PROM1: variants seen among roughly 807,000 people sequenced by gnomAD.
PROM1 encodes prominin 1.
PROM1 carries 105 observed loss-of-function variants against 116.9 expected under a neutral mutation model. The observed-to-expected ratio is 0.90, with a 90% CI of 0.77 to 1.06. The LOEUF (loss-of-function observed/expected upper bound fraction) is 1.06, where lower values mean the gene tolerates loss of function less well. Ranked by LOEUF, PROM1 falls within the 50% of genes least tolerant of loss-of-function variation. The pLI is 0.00. For missense variants in PROM1, 1,122 were observed against 1,045.2 expected (o/e 1.07, Z -1.01); for synonymous variants, 393 against 387.0 (o/e 1.02, Z -0.18).
intron 2 of PROM1, chr4:16,055,408 T>C (rs1007491149): frequency 2.2e-6 from 1 of 456,162 alleles, no homozygotes; most frequent in African/African-American, 2.0e-5. Flanking sequence ...TGCAGGGTCT[T>C]AAATGAGCAG....
chr4:16,008,408 TCACTGGTTTCAAGG>T lies in PROM1; in HGVS notation c.1301+527_1301+540del, dbSNP rs569539196. 8.2e-3 allele frequency among the ~76,000 whole-genome samples: 1,244 copies of T among 152,312 alleles called. 3 individuals carry two copies. The highest frequency in any genetic ancestry group is 0.013 in the Non-Finnish European group (855 of 68,024). On this transcript the variant is annotated intron_variant, in intron 12 of 27. Coordinates refer to ENST00000447510, the MANE Select transcript of PROM1 (RefSeq NM_006017.3). Reference sequence around the variant, plus strand: ...CACTCACCTAAGCTCTGGGAGCAATTCACTGGTTTCAAGGCACAGCTAAGAAAAGAATGCTCTTT... The same window carrying T: ...CACTCACCTAAGCTCTGGGAGCAATTCACAGCTAAGAAAAGAATGCTCTTT...
intron 15 of PROM1, among the ~76,000 whole-genome samples, chr4:15,995,408 A>G (rs559001596): frequency 7.2e-5 from 11 of 152,022 alleles, no homozygotes; most frequent in African/African-American, 1.4e-4. Context: ...GGAGGAGGAG[A>G]AGAAGAGGAG....
chr4:16,032,835 AG>A (rs1467854512), intron 5 of PROM1, among the ~76,000 whole-genome samples: 3 of 152,246 alleles, frequency 2.0e-5, no homozygotes, highest in African/African-American at 7.2e-5. Flanking sequence ...GTTTATTATT[AG>A]AAAGTCAATT....
intron 13 of PROM1, among the ~76,000 whole-genome samples, chr4:16,003,024 C>G (rs1724267871): frequency 6.6e-6 from 1 of 152,150 alleles, no homozygotes; most frequent in African/African-American, 2.4e-5. Context: ...GCCAGCAGAA[C>G]CTAAAATATT....
At position 15,987,651 on chromosome 4, in the gene PROM1, G is replaced by C. The variant is rs1308053279; in HGVS notation, c.2130+12C>G. 2 of 1,606,990 alleles carry C rather than the reference G, an allele frequency of 1.2e-6. No individual in the cohort carries two copies. Among genetic ancestry groups the C allele is most frequent in the African/African-American group, 2.7e-5 (2 of 74,452 alleles). ...ACAAAACCCCATGACAGAAAACAAA[G>C]TAAACCCTTACCAACAATCCATTCC... is the stretch of plus-strand genomic sequence containing the variant. On this transcript the variant is annotated intron_variant, in intron 20 of 27. Coordinates refer to ENST00000447510, the MANE Select transcript of PROM1 (RefSeq NM_006017.3).
intron 1 of PROM1, chr4:16,080,835 C>T (rs1457656427): frequency 6.6e-6 from 1 of 152,186 alleles, no homozygotes; most frequent in Non-Finnish European, 1.5e-5. Context: ...CACTCTGAAG[C>T]AGGACAGTAT....
At chr4:15,994,184 A>G (rs1485101612) in intron 15 of PROM1, 113 bp from the exon 16 acceptor site, 11 of 1,533,954 alleles carry the variant, frequency 7.2e-6, no homozygotes, top group Non-Finnish European at 9.6e-6. Context: ...ATCTGTGAAC[A>G]CAGAAGTGGG....
chr4:16,033,514 A>G lies in PROM1; in HGVS notation c.304-5T>C. 6 of 1,583,910 alleles carry G rather than the reference A, an allele frequency of 3.8e-6. No individual in the cohort carries two copies. The highest frequency in any genetic ancestry group is 4.3e-6 in the Non-Finnish European group (5 of 1,162,754). On this transcript the variant is annotated splice_region_variant and splice_polypyrimidine_tract_variant and intron_variant, in intron 4 of 27. Coordinates refer to ENST00000447510, the MANE Select transcript of PROM1 (RefSeq NM_006017.3). Reference sequence around the variant, plus strand: ...CCCTGCTTCATAGTAGACAATCTGCAATTCAAACAAAAGAAACAGCACATA... The same window carrying G: ...CCCTGCTTCATAGTAGACAATCTGCGATTCAAACAAAAGAAACAGCACATA...
At chr4:15,989,000 C>T (rs1237893472) in intron 19 of PROM1, among the ~76,000 whole-genome samples, 1 of 152,108 alleles carries the variant, frequency 6.6e-6, no homozygotes, top group African/African-American at 2.4e-5. Flanking sequence ...CACTTCTCTC[C>T]TTGATGGCTA....
intron 8 of PROM1, among the ~76,000 whole-genome samples, chr4:16,019,161 C>T (rs1269970815): frequency 1.3e-5 from 2 of 152,180 alleles, no homozygotes; most frequent in African/African-American, 4.8e-5. Context: ...ATGAAAATGC[C>T]TCAAAGGCAG....
chr4:16,045,541 C>T (rs1031903087), intron 2 of PROM1, among the ~76,000 whole-genome samples: 1 of 152,174 alleles, frequency 6.6e-6, no homozygotes, highest in Non-Finnish European at 1.5e-5. Flanking sequence ...ACACACCTTA[C>T]CGAATTAAGA....
Position 15,989,815 on chromosome 4 carries a change from T to A in PROM1, c.1993A>T (p.Asn665Tyr). ...TCTCTTTTCAGGGAGTTCCTCAAAT[T>A]TCCTGGGGGCTACAAAAAGAATAAA... ...EAKANSLPPG[N>Y]LRNSLKRDAQ... The change falls in exon 19 of 28, where the codon AAT becomes TAT. Residue 665 changes from asparagine (N) to tyrosine (Y), a missense_variant. Transcript: ENST00000447510. 6.2e-7 allele frequency: 1 copy of A among 1,603,254 alleles called. No homozygotes were observed. The highest frequency in any genetic ancestry group is 1.1e-5 in the South Asian group (1 of 89,174).
At chr4:15,980,037 A>G in intron 24 of PROM1, 133 bp from the exon 25 acceptor site, 2 of 638,964 alleles carry the variant, frequency 3.1e-6, no homozygotes, top group Non-Finnish European at 5.4e-6. Context: ...ATGTTGAAAG[A>G]TAAGTGAAGT....
chr4:15,969,550 G>GA (rs1266165427), intron 27 of PROM1, among the ~76,000 whole-genome samples, 182 bp from the exon 28 acceptor site: 1 of 151,996 alleles, frequency 6.6e-6, no homozygotes, highest in South Asian at 2.1e-4. Flanking sequence ...TAGCAATATA[G>GA]AAAAAAACTT....
chr4:16,002,400 G>A (rs560056931), intron 13 of PROM1, among the ~76,000 whole-genome samples: 1 of 152,210 alleles, frequency 6.6e-6, no homozygotes, highest in East Asian at 1.9e-4. Context: ...CTCTTAAATC[G>A]ATCTAGGTGC....
At chr4:16,009,934 C>CAA (rs4065768) in intron 11 of PROM1, among the ~76,000 whole-genome samples, 126 of 75,080 alleles carry the variant, frequency 1.7e-3, no homozygotes, top group African/African-American at 1.9e-3. Flanking sequence ...GACTCGCTCT[C>CAA]AAAAAAAAAA....
At position 16,018,350 on chromosome 4, in the gene PROM1, C is replaced by T. The variant is rs760984100; in HGVS notation, c.975G>A (p.Gln325=). ...TCNSIRLSLS[Q]LNSNPELRQL... The stretch of plus-strand genomic sequence containing the variant: ...GCCTCAGTTCAGGGTTGCTATTCAG[C>T]TGGCTTAGAGACAATCTGATGCTGT... Residue 325 remains glutamine (Q), a synonymous_variant, in exon 9 of 28, where the codon CAG becomes CAA. Coordinates refer to ENST00000447510, the MANE Select transcript of PROM1 (RefSeq NM_006017.3). The T allele has an allele frequency of 6.2e-7, 1 of 1,613,486 alleles. No homozygotes were observed. Among genetic ancestry groups the T allele is most frequent in the Non-Finnish European group, 8.5e-7 (1 of 1,179,884 alleles).
At chr4:16,000,032 C>T (rs1242907423) in intron 14 of PROM1, among the ~76,000 whole-genome samples, 1 of 152,238 alleles carries the variant, frequency 6.6e-6, no homozygotes, top group Non-Finnish European at 1.5e-5. Flanking sequence ...GGTCAGCCCT[C>T]TGCCACGAGT....
chr4:15,989,828 C>T lies in PROM1; in HGVS notation c.1984-4G>A, dbSNP rs1458747290. The T allele has an allele frequency of 6.3e-7, 1 of 1,589,246 alleles. No individual in the cohort carries two copies. Among genetic ancestry groups the T allele is most frequent in the Non-Finnish European group, 8.6e-7 (1 of 1,163,986 alleles). On this transcript the variant is annotated splice_region_variant and splice_polypyrimidine_tract_variant and intron_variant, in intron 18 of 27. Transcript: ENST00000447510. ...AGTTCCTCAAATTTCCTGGGGGCTACAAAAAGAATAAAAAACAAAGATCAA... is the reference window on the plus strand; with the variant it reads ...AGTTCCTCAAATTTCCTGGGGGCTATAAAAAGAATAAAAAACAAAGATCAA...
Sources: allele counts gnomAD v4.1 joint callset (sites outside exome capture counted in the v4.1 genomes callset), GRCh38; gene constraint gnomAD v4.1.1; transcripts MANE v1.5; gene names NCBI Gene and HGNC (gene_info 2026-07-23, HGNC 2026-07-21).